NDUFAF7: variants seen among roughly 807,000 people sequenced by gnomAD.
NDUFAF7 encodes protein arginine methyltransferase NDUFAF7, mitochondrial.
Under a neutral mutation model 47.2 loss-of-function variants are expected in NDUFAF7, and 48 were observed. The observed-to-expected ratio is 1.02, with a 90% CI of 0.81 to 1.29. The LOEUF (loss-of-function observed/expected upper bound fraction) is 1.29. NDUFAF7 is among the 50% of genes most tolerant of loss of function. NDUFAF7 has a pLI of 0.00. For missense variants in NDUFAF7, 635 were observed against 537.6 expected, an observed-to-expected ratio of 1.18 and a Z score of -1.79; for synonymous variants, 217 against 190.0, an observed-to-expected ratio of 1.14 and a Z score of -1.17.
intron 2 of NDUFAF7, among the ~76,000 whole-genome samples, chr2:37,235,643 T>C (rs1163989278): frequency 3.3e-5 from 2 of 60,780 alleles, no homozygotes; most frequent in Non-Finnish European, 7.9e-5. Context: ...CCCTTGCTTA[T>C]TTATTTATTT....
chr2:37,258,019 G>C (rs1668118459), downstream of NDUFAF7, among the ~76,000 whole-genome samples: 1 of 152,190 alleles, frequency 6.6e-6, no homozygotes, highest in Non-Finnish European at 1.5e-5. Flanking sequence ...TTGCTGCCCA[G>C]ATTTTTCTAG....
intron 2 of NDUFAF7, among the ~76,000 whole-genome samples, chr2:37,234,299 C>A (rs931836360): frequency 6.6e-6 from 1 of 152,100 alleles, no homozygotes; most frequent in Non-Finnish European, 1.5e-5. Flanking sequence ...GCCTTGTTGG[C>A]CAGGCTGGTC....
intron 8 of NDUFAF7, among the ~76,000 whole-genome samples, chr2:37,246,839 G>T (rs1172443688): frequency 6.6e-6 from 1 of 152,084 alleles, no homozygotes; most frequent in Admixed American, 6.6e-5. Flanking sequence ...GACTGACCAG[G>T]TCTGGTTAGG....
At chr2:37,246,269 T>C (rs1666892136) in intron 8 of NDUFAF7, 74 bp downstream of exon 8, 1 of 1,503,166 alleles carries the variant, frequency 6.7e-7, no homozygotes, top group Non-Finnish European at 9.2e-7. Context: ...AGCTTTGATT[T>C]CTACAGTGCC....
At chr2:37,245,318 A>AT (rs1318908634) in intron 7 of NDUFAF7, among the ~76,000 whole-genome samples, 1 of 152,254 alleles carries the variant, frequency 6.6e-6, no homozygotes, top group Non-Finnish European at 1.5e-5. Context: ...GTATGTTTTC[A>AT]TAATGAAGGG....
chr2:37,267,925 C>A, the NDUFAF7 span: 1 of 192,910 alleles, frequency 5.2e-6, no homozygotes, highest in Non-Finnish European at 1.1e-5. Context: ...GTGATTTAAC[C>A]ATGTACCCAC....
the NDUFAF7 span, among the ~76,000 whole-genome samples, chr2:37,265,319 A>C: frequency 6.6e-6 from 1 of 152,230 alleles, no homozygotes; most frequent in African/African-American, 2.4e-5. Context: ...CACATAACTA[A>C]ATCTTATGAA....
At chr2:37,259,570 G>A in the NDUFAF7 span, 1 of 1,590,698 alleles carries the variant, frequency 6.3e-7, no homozygotes, top group Non-Finnish European at 8.6e-7. Flanking sequence ...AAAGGTTCTG[G>A]AGAATATCTC....
At chr2:37,240,059 A>G (rs977692905) in intron 4 of NDUFAF7, among the ~76,000 whole-genome samples, 1 of 152,248 alleles carries the variant, frequency 6.6e-6, no homozygotes, top group Non-Finnish European at 1.5e-5. Context: ...GTATTTATTA[A>G]ACTTTTGTAG....
At chr2:37,237,154 G>A (rs1035865469) in intron 3 of NDUFAF7, among the ~76,000 whole-genome samples, 1 of 152,090 alleles carries the variant, frequency 6.6e-6, no homozygotes, top group East Asian at 1.9e-4. Flanking sequence ...ATTTTTAGTA[G>A]AGACAGAGTT....
downstream of NDUFAF7, among the ~76,000 whole-genome samples, chr2:37,250,258 G>A (rs1051200557): frequency 5.3e-5 from 8 of 151,936 alleles, no homozygotes; most frequent in African/African-American, 1.9e-4. Context: ...TCAAAGACTT[G>A]GTTGGGAGAA....
chr2:37,251,918 A>C (rs1486326704), downstream of NDUFAF7: 2 of 152,216 alleles, frequency 1.3e-5, no homozygotes, highest in Non-Finnish European at 2.9e-5. Context: ...TGAGAAATGA[A>C]GAAATAAGCC....
In NDUFAF7 at chr2:37,233,798, G is replaced by T. The variant is rs184822418; in HGVS notation, c.216+1532G>T. On this transcript the variant is annotated intron_variant, in intron 2 of 9. Transcript: ENST00000002125. ...AGTAGGGGTAACTCTAAAATGTAGA[G>T]GCTCTTAACCTAGGGACCCTTTAAT... Among the ~76,000 whole-genome samples, 6 of 152,206 alleles carry T rather than the reference G, an allele frequency of 3.9e-5. No individual in the cohort carries two copies. In the East Asian group the frequency reaches 1.2e-3, roughly 29 times the overall value.
rs761692887 is a variant in NDUFAF7, at chr2:37,236,191, A to G, written c.297+15A>G. 6.4e-7 allele frequency: 1 copy of G among 1,557,490 alleles called. No homozygotes were observed. Among genetic ancestry groups the G allele is most frequent in the Non-Finnish European group, 8.9e-7 (1 of 1,128,568 alleles). On this transcript the variant is annotated intron_variant, in intron 3 of 9. Transcript: ENST00000002125. ...TCTTTGGGGAGGTAATATACTATGTAAAGTATGAATGAAGCTAATATAAAC... is the reference window on the plus strand; with the variant it reads ...TCTTTGGGGAGGTAATATACTATGTGAAGTATGAATGAAGCTAATATAAAC...
At chr2:37,236,676 G>A (rs1016783009) in intron 3 of NDUFAF7, among the ~76,000 whole-genome samples, 2 of 151,816 alleles carry the variant, frequency 1.3e-5, no homozygotes, top group East Asian at 3.9e-4. Flanking sequence ...AGCTACTTGG[G>A]AGGCTGAGGC....
At chr2:37,247,778 T>A in intron 9 of NDUFAF7, 149 bp downstream of exon 9, 1 of 971,946 alleles carries the variant, frequency 1.0e-6, no homozygotes, top group Non-Finnish European at 1.6e-6. Context: ...ATTTAGTAAC[T>A]AGTCTGGTAA....
At chr2:37,263,970 A>G in the NDUFAF7 span, among the ~76,000 whole-genome samples, 7 of 152,176 alleles carry the variant, frequency 4.6e-5, no homozygotes, top group Non-Finnish European at 2.9e-5. Context: ...TAGGTTTTTG[A>G]TAACGTTTTC....
intron 4 of NDUFAF7, among the ~76,000 whole-genome samples, 187 bp downstream of exon 4, chr2:37,238,054 G>A (rs1397723032): frequency 6.6e-6 from 1 of 152,076 alleles, no homozygotes; most frequent in African/African-American, 2.4e-5. Context: ...TTGGAGGGGA[G>A]GGGGAGAATA....
Position 37,243,932 on chromosome 2 carries a change from G to C in NDUFAF7, c.751G>C (p.Val251Leu). The stretch of plus-strand genomic sequence containing the variant: ...ACAGGTTTCTGATAAACTGAGGTTT[G>C]TTTTGGCACCTTCTGCCACCCCAGC... ...DPQVSDKLRF[V>L]LAPSATPAEA... The change falls in exon 7 of 10, where the codon GTT becomes CTT. Residue 251 changes from valine to leucine, a missense_variant. Transcript: ENST00000002125. 1.2e-6 allele frequency: 2 copies of C among 1,614,020 alleles called. No individual in the cohort carries two copies. Among genetic ancestry groups the C allele is most frequent in the Non-Finnish European group, 1.7e-6 (2 of 1,179,936 alleles).
Sources: allele counts gnomAD v4.1 joint callset (sites outside exome capture counted in the v4.1 genomes callset), GRCh38; gene constraint gnomAD v4.1.1; transcripts MANE v1.5; gene names NCBI Gene and HGNC (gene_info 2026-07-23, HGNC 2026-07-21).